The following VPS45 variants were observed in gnomAD, a reference collection of about 807,000 sequenced individuals.
VPS45 encodes vacuolar protein sorting 45 homolog.
A neutral mutation model predicts 75.9 loss-of-function variants in VPS45; 35 were observed. That is an observed-to-expected ratio of 0.46 (90% CI 0.35 to 0.61). The LOEUF is 0.61. VPS45 is among the 20% of genes least tolerant of loss of function. The probability of loss-of-function intolerance (pLI) is 0.00; values close to 1 mark genes in which losing one functional copy is unlikely to be tolerated. For missense variants in VPS45, 559 were observed against 685.9 expected, an observed-to-expected ratio of 0.81 and a Z score of 2.07; for synonymous variants, 220 against 238.2, an observed-to-expected ratio of 0.92 and a Z score of 0.70.
chr1:150,101,962 C>CACG (rs1657042931), intron 13 of VPS45, among the ~76,000 whole-genome samples: 1 of 152,036 alleles, frequency 6.6e-6, no homozygotes, highest in South Asian at 2.1e-4. Context: ...TGCAGCTGGA[C>CACG]ACGGTGGCTC....
chr1:150,083,155 G>T, intron 10 of VPS45: 1 of 285,410 alleles, frequency 3.5e-6, no homozygotes. Flanking sequence ...GATCTAGATT[G>T]GAGTGTTTGG....
intron 10 of VPS45, among the ~76,000 whole-genome samples, chr1:150,088,434 AATATATATATATATAT>A (rs200780573): frequency 8.0e-6 from 1 of 125,540 alleles, no homozygotes; most frequent in Admixed American, 8.2e-5. Context: ...CTGAATAATA[AATATATATATATATAT>A]ATATATGCTG....
In VPS45 at chr1:150,121,185, T is replaced by C. The variant is rs1408271400; in HGVS notation, c.1625+10558T>C. 3.9e-5 allele frequency among the ~76,000 whole-genome samples: 6 copies of C among 152,200 alleles called. No homozygotes were observed. In the South Asian group the frequency reaches 1.2e-3, roughly 31 times the overall value. On this transcript the variant is annotated intron_variant, in intron 14 of 14. Transcript: ENST00000644510. ...TAGCAACATTCTTAATAAAATTGCC[T>C]TCTAAATAAAGAGAGGCAGTCAATA...
intron 13 of VPS45, among the ~76,000 whole-genome samples, chr1:150,100,752 G>T (rs1427113860): frequency 6.6e-6 from 1 of 152,142 alleles, no homozygotes; most frequent in Non-Finnish European, 1.5e-5. Context: ...TTCAATAAAT[G>T]GTGCTGAAAT....
At chr1:150,136,421 G>C (rs1659100884) in intron 14 of VPS45, among the ~76,000 whole-genome samples, 1 of 151,876 alleles carries the variant, frequency 6.6e-6, no homozygotes, top group African/African-American at 2.4e-5. Context: ...TGGGCATGGT[G>C]GTGGACTCCT....
chr1:150,082,078 G>A, intron 9 of VPS45, 81 bp downstream of exon 9: 1 of 835,892 alleles, frequency 1.2e-6, no homozygotes, highest in Non-Finnish European at 1.9e-6. Context: ...GAATCTTCTG[G>A]GTCTAATTTC....
intron 14 of VPS45, among the ~76,000 whole-genome samples, chr1:150,123,910 C>G (rs1658367306): frequency 6.6e-6 from 1 of 152,158 alleles, no homozygotes; most frequent in Non-Finnish European, 1.5e-5. Context: ...AAAGACATAT[C>G]CTGCTAGAAG....
At position 150,113,424 on chromosome 1, in the gene VPS45, A is replaced by G. The variant is rs80297183; in HGVS notation, c.1625+2797A>G. 3.8e-3 allele frequency among the ~76,000 whole-genome samples: 578 copies of G among 152,336 alleles called. 5 individuals are homozygous for G. The highest frequency in any genetic ancestry group is 0.013 in the African/African-American group (555 of 41,574). ...CAGTAAAACATTGCAAAGTGAATAT[A>G]TCTATGAGATGACCTCTGAGTGTAA... is the stretch of plus-strand genomic sequence containing the variant. On this transcript the variant is annotated intron_variant, in intron 14 of 14. Transcript: ENST00000644510.
chr1:150,072,413 A>G (rs1461087033), intron 3 of VPS45, among the ~76,000 whole-genome samples, 187 bp downstream of exon 3: 4 of 152,208 alleles, frequency 2.6e-5, no homozygotes, highest in African/African-American at 9.6e-5. Flanking sequence ...CTGTAATCCC[A>G]GCACTTTGGG....
At chr1:150,103,871 T>C (rs1156810420) in intron 13 of VPS45, among the ~76,000 whole-genome samples, 1 of 152,202 alleles carries the variant, frequency 6.6e-6, no homozygotes, top group East Asian at 1.9e-4. Flanking sequence ...TTCTTCCCAT[T>C]AGTCACCAAG....
Position 150,067,901 on chromosome 1 carries a change from T to C in VPS45, c.44T>C (p.Ile15Thr). ...FAVKQYISKM[I>T]EDSGPGMKVL... is the part of the protein sequence containing the mutation. The stretch of plus-strand genomic sequence containing the variant: ...GTGAAGCAGTACATTTCCAAAATGA[T>C]AGAGGACAGCGGGCCTGGTATGAAA... Residue 15 changes from isoleucine to threonine, a missense_variant, in exon 1 of 15, where the codon ATA becomes ACA. Physicochemically the swap from Ile to Thr is moderately conservative, Grantham distance 89. Coordinates refer to ENST00000644510, the MANE Select transcript of VPS45 (RefSeq NM_007259.5). The C allele has an allele frequency of 6.2e-7, 1 of 1,614,224 alleles. No homozygotes were observed. The highest frequency in any genetic ancestry group is 8.5e-7 in the Non-Finnish European group (1 of 1,180,028).
At chr1:150,105,707 C>T (rs1308643602) in intron 13 of VPS45, among the ~76,000 whole-genome samples, 1 of 152,130 alleles carries the variant, frequency 6.6e-6, no homozygotes, top group Non-Finnish European at 1.5e-5. Flanking sequence ...ACAGATTCAA[C>T]ACAATTCCTA....
rs782052786 is a variant in VPS45, at chr1:150,068,759, A to G, written c.223A>G (p.Thr75Ala). 23 of 1,609,828 alleles carry G rather than the reference A, an allele frequency of 1.4e-5. 1 individual carries two copies. In the South Asian group the frequency reaches 2.5e-4, roughly 18 times the overall value. ...GAAGGCAATTTGTTTTCTTCGACCTACAAAGGTACTGCATAAACTGAGCTT... is the reference window on the plus strand; with the variant it reads ...GAAGGCAATTTGTTTTCTTCGACCTGCAAAGGTACTGCATAAACTGAGCTT... The part of the protein sequence containing the change: ...HLKAICFLRP[T>A]KENVDYIIQE... The change falls in exon 2 of 15, where the codon ACA becomes GCA. Residue 75 changes from threonine to alanine, a missense_variant. Physicochemically the swap from Thr to Ala is moderately conservative, Grantham distance 58 (BLOSUM62 0). Coordinates refer to ENST00000644510, the MANE Select transcript of VPS45 (RefSeq NM_007259.5).
chr1:150,133,377 C>T (rs1658923561), intron 14 of VPS45, among the ~76,000 whole-genome samples: 1 of 151,912 alleles, frequency 6.6e-6, no homozygotes, highest in South Asian at 2.1e-4. Context: ...TGGTGAAACC[C>T]CATCTCTACT....
rs181053416 is a variant in VPS45 at position 150,078,656 on chromosome 1, G to A, written c.687+877G>A. The stretch of plus-strand genomic sequence containing the variant: ...ACACACCTGTAGTCCCAGCTACTTG[G>A]GAGGCTGAGGCAGGAGAATCATTTG... On this transcript the variant is annotated intron_variant, in intron 7 of 14. Transcript: ENST00000644510. 2.1e-3 allele frequency among the ~76,000 whole-genome samples: 321 copies of A among 152,110 alleles called. 1 individual carries two copies. Among genetic ancestry groups the A allele is most frequent in the African/African-American group, 5.2e-3 (215 of 41,472 alleles).
At chr1:150,126,344 G>A (rs587634306) in intron 14 of VPS45, among the ~76,000 whole-genome samples, 1 of 152,082 alleles carries the variant, frequency 6.6e-6, no homozygotes, top group South Asian at 2.1e-4. Context: ...CCAAGTAGCT[G>A]GGACTACAGG....
chr1:150,125,872 G>A (rs587642660), intron 14 of VPS45, among the ~76,000 whole-genome samples: 5 of 151,946 alleles, frequency 3.3e-5, no homozygotes, highest in Admixed American at 3.3e-4. Context: ...ATTTTTAGTA[G>A]AGACGGGCTT....
At chr1:150,077,544 C>T in intron 6 of VPS45, 125 bp from the exon 7 acceptor site, 1 of 734,720 alleles carries the variant, frequency 1.4e-6, no homozygotes, top group Non-Finnish European at 2.3e-6. Context: ...TTGAATCCTT[C>T]ATATGGAAGA....
intron 2 of VPS45, among the ~76,000 whole-genome samples, chr1:150,069,994 C>G (rs1040317242): frequency 6.6e-6 from 1 of 152,128 alleles, no homozygotes; most frequent in Non-Finnish European, 1.5e-5. Context: ...CTTTTGCACT[C>G]TGCATCTTAA....
Sources: allele counts gnomAD v4.1 joint callset (sites outside exome capture counted in the v4.1 genomes callset), GRCh38; gene constraint gnomAD v4.1.1; transcripts MANE v1.5; gene names NCBI Gene and HGNC (gene_info 2026-07-23, HGNC 2026-07-21).